MYO1C: variants seen among roughly 807,000 people sequenced by gnomAD.
MYO1C encodes the protein myosin IC.
Under a neutral mutation model 150.8 loss-of-function variants are expected in MYO1C, and 104 were observed. That is an observed-to-expected ratio of 0.69 (90% CI 0.59 to 0.81). MYO1C has a LOEUF of 0.81. Ranked by LOEUF, MYO1C falls within the 30% of genes least tolerant of loss-of-function variation. The probability of loss-of-function intolerance (pLI) is 0.00; values close to 1 mark genes in which losing one functional copy is unlikely to be tolerated. For missense variants in MYO1C, 1,504 were observed against 1,435.0 expected, an observed-to-expected ratio of 1.05 and a Z score of -0.78; for synonymous variants, 663 against 579.9, an observed-to-expected ratio of 1.14 and a Z score of -2.06.
chr17:1,484,072 C>G, intron 2 of MYO1C, 76 bp downstream of exon 2: 1 of 1,577,828 alleles, frequency 6.3e-7, no homozygotes, highest in Non-Finnish European at 8.6e-7. Flanking sequence ...CCCGGTGACC[C>G]TTGGTGTCTC....
intron 7 of MYO1C, 35 bp downstream of exon 7, chr17:1,480,471 AAGGAGATTTTGGGGGTGTGAC>A: frequency 2.1e-6 from 3 of 1,445,318 alleles, no homozygotes; most frequent in Non-Finnish European, 1.9e-6. Context: ...ACAAAAAAAA[AAGGAGATTTTGGGGGTGTGAC>A]AGGAGGAAAG....
chr17:1,484,258 T>C lies in MYO1C; in HGVS notation c.121A>G (p.Thr41Ala). 3.1e-6 allele frequency: 5 copies of C among 1,612,078 alleles called. No individual in the cohort carries two copies. The highest frequency in any genetic ancestry group is 4.2e-6 in the Non-Finnish European group (5 of 1,179,950). ...TGCACCCCCACCCGGTCACGGGCGG[T>C]GAGCGCACTCTCCATGGTCACCCGA... ...GVRVTMESAL[T>A]ARDRVGVQDF... is the part of the protein sequence containing the mutation. Residue 41 changes from threonine to alanine, a missense_variant, in exon 2 of 32, where the codon ACC becomes GCC. Coordinates refer to ENST00000648651, the MANE Select transcript of MYO1C (RefSeq NM_001080779.2).
rs573658571 is a variant in MYO1C at position 1,479,815 on chromosome 17, G to A, written c.907-110C>T. 21 of 740,832 alleles carry A rather than the reference G, an allele frequency of 2.8e-5. No homozygotes were observed. The highest frequency in any genetic ancestry group is 2.4e-4 in the African/African-American group (14 of 57,632). 45.9% of individuals were successfully genotyped at this position (740,832 alleles called of 1,614,324 possible). A position where few individuals can be genotyped will look rare whatever the true frequency, so the allele number is the denominator to read the frequency against. The stretch of plus-strand genomic sequence containing the variant: ...GGGTGGTGAAGTGTCGGAGAGAAGG[G>A]GCTGGAAGTGGGAATGGGTGTTAAA... On this transcript the variant is annotated intron_variant, in intron 7 of 31. Transcript: ENST00000648651. The surrounding 1 kb of genome is among the most constrained non-coding windows in gnomAD (Gnocchi z 4.2).
At position 1,484,304 on chromosome 17, in the gene MYO1C, C is replaced by T. The variant is rs746499278; in HGVS notation, c.76-1G>A. 2 of 1,609,364 alleles carry T rather than the reference C, an allele frequency of 1.2e-6. No individual in the cohort carries two copies. Among genetic ancestry groups the T allele is most frequent in the South Asian group, 2.2e-5 (2 of 91,092 alleles). Reference sequence around the variant, plus strand: ...CCCGAACCCCGTCACTGCCCAGGGCCTGCAGAGAATGGGCCACAGAAGAGG... The same window carrying T: ...CCCGAACCCCGTCACTGCCCAGGGCTTGCAGAGAATGGGCCACAGAAGAGG... On this transcript the variant is annotated splice_acceptor_variant, in intron 1 of 31. Coordinates refer to ENST00000648651, the MANE Select transcript of MYO1C (RefSeq NM_001080779.2). LOFTEE classifies it high-confidence loss of function.
chr17:1,482,835 A>AG (rs766584447), intron 4 of MYO1C, 26 bp downstream of exon 4: 1 of 1,569,828 alleles, frequency 6.4e-7, no homozygotes, highest in East Asian at 2.5e-5. Context: ...CCGCACTGGC[A>AG]CTGGGCTTCT....
rs2074748779 is a variant in MYO1C at position 1,492,623 on chromosome 17, A to C, written c.-136T>G. On this transcript the variant is annotated 5_prime_UTR_variant, in exon 1 of 32. Transcript: ENST00000648651. ...GGGATGGCCACTTGGTTCTGCTTCA[A>C]CTGCAGCCCCAGGGGATGTGGCTGG... is the stretch of plus-strand genomic sequence containing the variant. 1 of 794,872 alleles carries C rather than the reference A, an allele frequency of 1.3e-6. No individual in the cohort carries two copies. The highest frequency in any genetic ancestry group is 1.5e-5 in the South Asian group (1 of 67,004). The allele number at this position is 794,872 out of a possible 1,614,324, so 49.2% of individuals were successfully genotyped here.
chr17:1,466,627 CTTT>C (rs35026657), intron 31 of MYO1C, among the ~76,000 whole-genome samples: 6 of 132,692 alleles, frequency 4.5e-5, no homozygotes, highest in African/African-American at 5.7e-5. Context: ...TGTGCCTGGC[CTTT>C]TTTTTTTTTT....
At chr17:1,483,934 C>T (rs1318692479) in intron 2 of MYO1C, among the ~76,000 whole-genome samples, 3 of 151,584 alleles carry the variant, frequency 2.0e-5, no homozygotes, top group African/African-American at 4.9e-5. Context: ...CCCAGCTACT[C>T]GGGAGGCTGA....
In MYO1C at chr17:1,484,239, C is replaced by G. The variant is rs1270250182; in HGVS notation, c.140G>C (p.Gly47Ala). 6.2e-7 allele frequency: 1 copy of G among 1,612,774 alleles called. No homozygotes were observed. The highest frequency in any genetic ancestry group is 8.5e-7 in the Non-Finnish European group (1 of 1,180,020). Residue 47 changes from glycine to alanine, a missense_variant, in exon 2 of 32, where the codon GGG becomes GCG. Gly to Ala is a moderately conservative substitution (Grantham distance 60). Coordinates refer to ENST00000648651, the MANE Select transcript of MYO1C (RefSeq NM_001080779.2). ...ESALTARDRV[G>A]VQDFVLLENF... ...CTCCAGCAGCACGAAATCCTGCACCCCCACCCGGTCACGGGCGGTGAGCGC... is the reference window on the plus strand; with the variant it reads ...CTCCAGCAGCACGAAATCCTGCACCGCCACCCGGTCACGGGCGGTGAGCGC...
In MYO1C at chr17:1,484,143, C is replaced by T. The variant is rs1353322947; in HGVS notation, c.231+5G>A. 7.4e-6 allele frequency: 12 copies of T among 1,612,690 alleles called. No homozygotes were observed. The highest frequency in any genetic ancestry group is 1.1e-5 in the South Asian group (1 of 91,092). ...ACCCCTGCCATCTCCCCACAAGGGC[C>T]TCACGTAGATGAGATTCTCCCGAAA... On this transcript the variant is annotated splice_donor_5th_base_variant and intron_variant, in intron 2 of 31. Coordinates refer to ENST00000648651, the MANE Select transcript of MYO1C (RefSeq NM_001080779.2).
chr17:1,470,083 G>A, intron 24 of MYO1C, 92 bp downstream of exon 24: 1 of 1,354,928 alleles, frequency 7.4e-7, no homozygotes, highest in Non-Finnish European at 1.0e-6. Flanking sequence ...CCCTCCGTGA[G>A]CCCTCCCTGA....
At chr17:1,477,841 T>C (rs779541473) in intron 13 of MYO1C, 50 bp downstream of exon 13, 11 of 1,528,470 alleles carry the variant, frequency 7.2e-6, no homozygotes, top group Admixed American at 1.7e-5. Context: ...AAGGGGGACA[T>C]CCTCCCACCC....
rs776424314 is a variant in MYO1C at position 1,478,660 on chromosome 17, A to G, written c.1168T>C (p.Phe390Leu). The G allele has an allele frequency of 6.2e-6, 10 of 1,614,020 alleles. No homozygotes were observed. The highest frequency in any genetic ancestry group is 7.6e-6 in the Non-Finnish European group (9 of 1,180,022). Residue 390 changes from phenylalanine to leucine, a missense_variant, in exon 10 of 32, where the codon TTT becomes CTT. Physicochemically the swap from Phe to Leu is conservative, Grantham distance 22. Coordinates refer to ENST00000648651, the MANE Select transcript of MYO1C (RefSeq NM_001080779.2). The surrounding 1 kb of genome is among the most constrained non-coding windows in gnomAD (Gnocchi z 6.3). The stretch of plus-strand genomic sequence containing the variant: ...TTGATCTTCCCGACGAGCCAGGTAA[A>G]AGTGCGGCTGTACACAGCCTTGGCG... ...ALAKAVYSRT[F>L]TWLVGKINRS...
Position 1,471,897 on chromosome 17 carries a change from C to CTG in MYO1C, c.2021+8_2021+9dup. ...CCCCTTCCCTGGCACCGAGCAGGAC[C>CTG]TGCCCCCACCTTTGCAGGAAAGCTT... On this transcript the variant is annotated intron_variant, in intron 19 of 31. Coordinates refer to ENST00000648651, the MANE Select transcript of MYO1C (RefSeq NM_001080779.2). 1 of 1,613,750 alleles carries CTG rather than the reference C, an allele frequency of 6.2e-7. No homozygotes were observed. The highest frequency in any genetic ancestry group is 8.5e-7 in the Non-Finnish European group (1 of 1,179,710).
rs1408836950 is a variant in MYO1C, at chr17:1,479,220, TGACCTCAG to T, written c.1092+203_1092+210del. The stretch of plus-strand genomic sequence containing the variant: ...GTTGGCCAAGATGGTCTCGAACTCC[TGACCTCAG>T]GTGACCTGCCCACCTCAGCCTCCCC... On this transcript the variant is annotated intron_variant, in intron 9 of 31. Transcript: ENST00000648651. This position sits in a 1 kb window ranked among gnomAD's most constrained non-coding sequence, Gnocchi z 4.2. 6.6e-6 allele frequency among the ~76,000 whole-genome samples: 1 copy of T among 152,192 alleles called. No homozygotes were observed.
At chr17:1,473,680 G>A (rs1174635818) in intron 17 of MYO1C, among the ~76,000 whole-genome samples, 2 of 152,134 alleles carry the variant, frequency 1.3e-5, no homozygotes, top group African/African-American at 4.8e-5. Flanking sequence ...CTGGCACCCT[G>A]GCCATGCCTG....
rs1365129473 is a variant in MYO1C at position 1,490,054 on chromosome 17, AG to A, written c.75+2358del. ...CTGTCTCAAAAAAAAAAAAAAAAAAAGAGGGCCTTTGACCCCTAACCTGTAC... is the reference window on the plus strand; with the variant it reads ...CTGTCTCAAAAAAAAAAAAAAAAAAAAGGGCCTTTGACCCCTAACCTGTAC... On this transcript the variant is annotated intron_variant, in intron 1 of 31. Transcript: ENST00000648651. Among the ~76,000 whole-genome samples the A allele has an allele frequency of 9.3e-5, 14 of 150,730 alleles. No homozygotes were observed. In the South Asian group the frequency reaches 2.1e-3, roughly 23 times the overall value.
At chr17:1,481,267 T>A in intron 5 of MYO1C, 1 of 280,678 alleles carries the variant, frequency 3.6e-6, no homozygotes, top group Non-Finnish European at 7.0e-6. Context: ...CCTGGAAGCC[T>A]GTGTTTCTCC....
chr17:1,470,481 G>C lies in MYO1C; in HGVS notation c.2320C>G (p.Arg774Gly). ...CACTTCCTCTTGGCTGCCTTCCTCC[G>C]GCCCAGTGTTCCACGCCACCACGAC... ...IQSWWRGTLGRRKAAKRKWAA... is the reference protein window; with the variant it reads ...IQSWWRGTLGGRKAAKRKWAA... Residue 774 changes from arginine (R) to glycine (G), a missense_variant, in exon 23 of 32, where the codon CGG (arginine) becomes GGG (glycine). Arg to Gly is a moderately radical substitution (Grantham distance 125, BLOSUM62 -2). Transcript: ENST00000648651. 3 of 1,551,146 alleles carry C rather than the reference G, an allele frequency of 1.9e-6. No individual in the cohort carries two copies. The highest frequency in any genetic ancestry group is 2.6e-6 in the Non-Finnish European group (3 of 1,147,246).
Sources: gnomAD v4.1 joint callset for allele counts (sites outside exome capture counted in the v4.1 genomes callset) on GRCh38, gnomAD v4.1.1 for gene constraint, Gnocchi (gnomAD v3.1) non-coding constraint, MANE v1.5 for transcripts, NCBI Gene and HGNC (gene_info 2026-07-23, HGNC 2026-07-21) for gene names.